Variants in PCDH9 observed in about 807,000 individuals in gnomAD.
PCDH9 encodes protocadherin 9.
PCDH9 carries 24 observed loss-of-function variants against 70.6 expected under a neutral mutation model. The observed-to-expected ratio is 0.34, with a 90% CI of 0.25 to 0.48. The LOEUF (loss-of-function observed/expected upper bound fraction) is 0.48. Among genes scored for constraint, PCDH9 ranks in the 20% least tolerant of loss-of-function variants. The probability of loss-of-function intolerance (pLI) is 0.99; values close to 1 mark genes in which losing one functional copy is unlikely to be tolerated. For synonymous variants in PCDH9, 562 were observed against 558.5 expected, an observed-to-expected ratio of 1.01 and a Z score of -0.09; for missense variants, 1,281 against 1,503.6, an observed-to-expected ratio of 0.85 and a Z score of 2.45.
chr13:66,437,404 CAAAAA>C (rs66796123), intron 4 of PCDH9, among the ~76,000 whole-genome samples: 5 of 45,588 alleles, frequency 1.1e-4, no homozygotes, highest in Non-Finnish European at 1.7e-4. Context: ...GACTCTGTCT[CAAAAA>C]AAAAAAAAAA....
intron 2 of PCDH9, among the ~76,000 whole-genome samples, chr13:67,146,707 A>G (rs2087531174): frequency 1.3e-5 from 2 of 152,196 alleles, no homozygotes; most frequent in Non-Finnish European, 2.9e-5. Context: ...TTAAGGAGTT[A>G]TGAAGGAGTC....
At chr13:66,911,252 G>A (rs990862655) in intron 2 of PCDH9, among the ~76,000 whole-genome samples, 2 of 152,154 alleles carry the variant, frequency 1.3e-5, no homozygotes, top group African/African-American at 4.8e-5. Context: ...CAAGGCAGAT[G>A]TGCTAGGTTG....
intron 4 of PCDH9, among the ~76,000 whole-genome samples, chr13:66,629,953 A>G (rs1019557069): frequency 6.6e-6 from 1 of 152,186 alleles, no homozygotes; most frequent in Non-Finnish European, 1.5e-5. Flanking sequence ...CAACTGGCTA[A>G]GAAAGCCCTG....
intron 3 of PCDH9, among the ~76,000 whole-genome samples, chr13:66,740,705 A>G (rs2079249232): frequency 6.6e-6 from 1 of 152,022 alleles, no homozygotes; most frequent in Admixed American, 6.5e-5. Flanking sequence ...AGAGAATACT[A>G]CAAACAACTC....
intron 4 of PCDH9, among the ~76,000 whole-genome samples, chr13:66,493,574 A>G (rs532472036): frequency 4.6e-5 from 7 of 152,304 alleles, no homozygotes; most frequent in African/African-American, 1.7e-4. Context: ...AACAAAAAGC[A>G]GAATAAATGC....
intron 3 of PCDH9, among the ~76,000 whole-genome samples, chr13:66,836,658 TC>T (rs35340257): frequency 6.6e-6 from 1 of 152,196 alleles, no homozygotes; most frequent in African/African-American, 2.4e-5. Context: ...AATGCCATTT[TC>T]CCCAACTTTT....
At chr13:67,157,545 C>T (rs1475473932) in intron 2 of PCDH9, among the ~76,000 whole-genome samples, 4 of 152,108 alleles carry the variant, frequency 2.6e-5, no homozygotes, top group Non-Finnish European at 5.9e-5. Context: ...CTGGCCTGTG[C>T]AGTGGGTGAA....
chr13:66,615,304 T>C (rs929037099), intron 4 of PCDH9, among the ~76,000 whole-genome samples: 1 of 152,206 alleles, frequency 6.6e-6, no homozygotes, highest in Non-Finnish European at 1.5e-5. Flanking sequence ...TGATGCTCAA[T>C]CTTCTTTAGG....
At position 66,669,376 on chromosome 13, in the gene PCDH9, G is replaced by A. The variant is rs566498810; in HGVS notation, c.3139-37965C>T. Among the ~76,000 whole-genome samples, 142 of 152,156 alleles carry A rather than the reference G, an allele frequency of 9.3e-4. 1 individual carries two copies. The highest frequency in any genetic ancestry group is 1.6e-3 in the Admixed American group (25 of 15,254). On this transcript the variant is annotated intron_variant, in intron 3 of 4. Coordinates refer to ENST00000377865, the MANE Select transcript of PCDH9 (RefSeq NM_203487.3). ...GTTTCCAGCCATTGTGTTTTATGTC[G>A]GAATTGTCTAACTTAAATTGCGTGT...
At chr13:66,761,188 C>T (rs563791754) in intron 3 of PCDH9, among the ~76,000 whole-genome samples, 208 of 145,740 alleles carry the variant, frequency 1.4e-3, no homozygotes, top group East Asian at 2.2e-3. Flanking sequence ...TGCTGGTTTG[C>T]GGCTTAGGTG....
At chr13:67,198,444 T>C (rs2138043932) in intron 2 of PCDH9, among the ~76,000 whole-genome samples, 1 of 152,044 alleles carries the variant, frequency 6.6e-6, no homozygotes, top group Non-Finnish European at 1.5e-5. Context: ...TTCACAGCAA[T>C]TTATGAAATC....
At chr13:67,041,383 T>C (rs191235830) in intron 2 of PCDH9, among the ~76,000 whole-genome samples, 2,040 of 152,262 alleles carry the variant, frequency 0.013, 37 homozygotes, top group Middle Eastern at 0.065. Context: ...GTAATGAAAT[T>C]CTAAAACTTA....
At chr13:66,613,689 G>C (rs762458840) in intron 4 of PCDH9, among the ~76,000 whole-genome samples, 1 of 152,174 alleles carries the variant, frequency 6.6e-6, no homozygotes, top group Non-Finnish European at 1.5e-5. Flanking sequence ...GTCTCTTCAA[G>C]GGTTCCACCC....
At chr13:66,461,303 C>T (rs1266781666) in intron 4 of PCDH9, among the ~76,000 whole-genome samples, 1 of 151,610 alleles carries the variant, frequency 6.6e-6, no homozygotes, top group Non-Finnish European at 1.5e-5. Context: ...CTAAATAAAT[C>T]ATCTTTAGCC....
chr13:66,973,764 T>C (rs2083565990), intron 2 of PCDH9, among the ~76,000 whole-genome samples: 1 of 152,044 alleles, frequency 6.6e-6, no homozygotes, highest in South Asian at 2.1e-4. Context: ...TTACTTCTTA[T>C]TGGATCAGAT....
At chr13:66,381,916 C>T (rs1160360481) in intron 4 of PCDH9, among the ~76,000 whole-genome samples, 1 of 151,800 alleles carries the variant, frequency 6.6e-6, no homozygotes, top group Non-Finnish European at 1.5e-5. Context: ...CCTCACTTAG[C>T]ACTTTGCCAT....
intron 3 of PCDH9, among the ~76,000 whole-genome samples, chr13:66,774,094 A>T (rs1001963223): frequency 6.6e-6 from 1 of 152,136 alleles, no homozygotes; most frequent in East Asian, 1.9e-4. Flanking sequence ...GTAATTTTTT[A>T]CACTAACATT....
intron 2 of PCDH9, among the ~76,000 whole-genome samples, chr13:67,110,828 C>G (rs1480505138): frequency 6.6e-6 from 1 of 152,140 alleles, no homozygotes; most frequent in Non-Finnish European, 1.5e-5. Flanking sequence ...TATTATCCAC[C>G]TATAAAGCTT....
chr13:66,581,972 C>T (rs952314966), intron 4 of PCDH9, among the ~76,000 whole-genome samples: 1 of 152,084 alleles, frequency 6.6e-6, no homozygotes, highest in Admixed American at 6.6e-5. Context: ...ACGTCTTTGT[C>T]CCTTTTCAGT....
Sources: allele counts gnomAD v4.1 joint callset (sites outside exome capture counted in the v4.1 genomes callset), GRCh38; gene constraint gnomAD v4.1.1; transcripts MANE v1.5; gene names NCBI Gene and HGNC (gene_info 2026-07-23, HGNC 2026-07-21).